Variants in MAPK9 observed in about 807,000 individuals in gnomAD.
MAPK9 encodes mitogen-activated protein kinase 9, also known as Jun kinase.
A neutral mutation model predicts 57.1 loss-of-function variants in MAPK9; 30 were observed. The observed-to-expected ratio is 0.53, with a 90% CI of 0.39 to 0.71. The LOEUF (loss-of-function observed/expected upper bound fraction) is 0.71, where lower values mean the gene tolerates loss of function less well. MAPK9 is among the 30% of genes least tolerant of loss of function. The pLI is 0.00. For synonymous variants in MAPK9, 155 were observed against 177.0 expected (o/e 0.88, Z 0.99); for missense variants, 362 against 521.0 (o/e 0.69, Z 2.97).
At chr5:180,268,341 C>T (rs1760890505) in intron 3 of MAPK9, among the ~76,000 whole-genome samples, 1 of 152,176 alleles carries the variant, frequency 6.6e-6, no homozygotes. Context: ...GTGTCATATA[C>T]AAGGTAAAAA....
At position 180,272,686 on chromosome 5, in the gene MAPK9, A is replaced by G. The variant is rs114032737; in HGVS notation, c.123-3277T>C. Among the ~76,000 whole-genome samples the G allele has an allele frequency of 4.7e-3, 712 of 152,358 alleles. 6 individuals carry two copies. Among genetic ancestry groups the G allele is most frequent in the African/African-American group, 0.016 (676 of 41,586 alleles). The stretch of plus-strand genomic sequence containing the variant: ...TCATCCATTGTTGCTGTATGTAGCT[A>G]TAACTCCTTCCATCATTGCTATAAG... On this transcript the variant is annotated intron_variant, in intron 2 of 11. Transcript: ENST00000452135.
chr5:180,268,827 CA>C (rs371158374), intron 3 of MAPK9, among the ~76,000 whole-genome samples: 3 of 124,962 alleles, frequency 2.4e-5, no homozygotes, highest in African/African-American at 3.1e-5. Context: ...ACTCCGTCTC[CA>C]AAAAAAAAGA....
At chr5:180,280,350 A>C in intron 2 of MAPK9, 90 bp downstream of exon 2, 3 of 1,511,484 alleles carry the variant, frequency 2.0e-6, no homozygotes, top group Non-Finnish European at 2.7e-6. Context: ...TTTTTTTTTA[A>C]TCATCAATGT....
intron 5 of MAPK9, among the ~76,000 whole-genome samples, chr5:180,257,211 G>A (rs1478257926): frequency 6.6e-6 from 1 of 152,224 alleles, no homozygotes; most frequent in African/African-American, 2.4e-5. Flanking sequence ...CTTGAGACGA[G>A]ACAACCCTGC....
At chr5:180,286,448 A>G (rs903098551) in intron 1 of MAPK9, among the ~76,000 whole-genome samples, 2 of 151,508 alleles carry the variant, frequency 1.3e-5, no homozygotes, top group Admixed American at 1.3e-4. Flanking sequence ...CTGGCCTCCT[A>G]CTGTAATTCT....
At chr5:180,278,981 G>A (rs185498110) in intron 2 of MAPK9, among the ~76,000 whole-genome samples, 159 of 142,544 alleles carry the variant, frequency 1.1e-3, no homozygotes, top group African/African-American at 3.9e-3. Context: ...TTTTTGAGAC[G>A]GAGTCTTGCT....
chr5:180,257,442 C>A (rs1759406302), intron 5 of MAPK9, among the ~76,000 whole-genome samples: 1 of 152,234 alleles, frequency 6.6e-6, no homozygotes, highest in Non-Finnish European at 1.5e-5. Context: ...GCTGTTGGAA[C>A]ATAAAATCTA....
Position 180,280,465 on chromosome 5 carries a change from C to G in MAPK9, c.97G>C (p.Gly33Arg), listed in dbSNP as rs1458961874. Residue 33 changes from glycine (G) to arginine (R), a missense_variant, in exon 2 of 12, where the codon GGC (glycine) becomes CGC (arginine). Around this residue, in one of 3 missense-constraint regions of MAPK9, gnomAD observed 36 missense variants for 38.0 expected, o/e 0.95. Coordinates refer to ENST00000452135, the MANE Select transcript of MAPK9 (RefSeq NM_002752.5). ...LKRYQQLKPI[G>R]SGAQGIVCAA... ...CAAACAATCCCTTGGGCCCCAGAGC[C>G]AATTGGTTTCAGCTGCTGGTAACGT... 6.2e-7 allele frequency: 1 copy of G among 1,614,124 alleles called. No individual in the cohort carries two copies. The highest frequency in any genetic ancestry group is 8.5e-7 in the Non-Finnish European group (1 of 1,180,016).
At chr5:180,239,068 T>C (rs376070767) in intron 10 of MAPK9, among the ~76,000 whole-genome samples, 2 of 152,338 alleles carry the variant, frequency 1.3e-5, no homozygotes, top group Non-Finnish European at 2.9e-5. Flanking sequence ...ATGTGGTTAC[T>C]TGGGGTTCTC....
In MAPK9 at chr5:180,236,421, A is replaced by C. The variant is rs1214941701; in HGVS notation, c.1238T>G (p.Leu413Arg). 6.2e-7 allele frequency: 1 copy of C among 1,613,538 alleles called. No individual in the cohort carries two copies. Among genetic ancestry groups the C allele is most frequent in the African/African-American group, 1.3e-5 (1 of 74,930 alleles). Residue 413 changes from leucine to arginine, a missense_variant, in exon 12 of 12, where the codon CTT (leucine) becomes CGT (arginine). Physicochemically the swap from Leu to Arg is moderately radical, Grantham distance 102. Coordinates refer to ENST00000452135, the MANE Select transcript of MAPK9 (RefSeq NM_002752.5). ...TTCAAGGGGTCCCGTCGAGGCATCA[A>C]GACTGCTGTCTGTGTCTGAGGCCAG... ...QTLASDTDSSLDASTGPLEGC... is the reference protein window; with the variant it reads ...QTLASDTDSSRDASTGPLEGC...
In MAPK9 at chr5:180,247,605, T is replaced by A; in HGVS notation, c.617-95A>T. The A allele has an allele frequency of 8.8e-7, 1 of 1,137,168 alleles. No homozygotes were observed. Among genetic ancestry groups the A allele is most frequent in the Non-Finnish European group, 1.3e-6 (1 of 768,510 alleles). 70.4% of individuals were successfully genotyped at this position (1,137,168 alleles called of 1,614,324 possible). A position where few individuals can be genotyped will look rare whatever the true frequency, so the allele number is the denominator to read the frequency against. Reference sequence around the variant, plus strand: ...TAACAGTGCACTAAACACACAAATATGGAAAAATAAATTGCTAGCTAAGGG... The same window carrying A: ...TAACAGTGCACTAAACACACAAATAAGGAAAAATAAATTGCTAGCTAAGGG... On this transcript the variant is annotated intron_variant, in intron 6 of 11. Transcript: ENST00000452135. The surrounding 1 kb of genome is among the most constrained non-coding windows in gnomAD (Gnocchi z 4.5).
chr5:180,261,896 T>A, intron 4 of MAPK9, 74 bp from the exon 5 acceptor site: 1 of 1,313,930 alleles, frequency 7.6e-7, no homozygotes, highest in Non-Finnish European at 1.1e-6. Context: ...CATGAAACTG[T>A]AACTTACTTC....
intron 5 of MAPK9, among the ~76,000 whole-genome samples, chr5:180,256,773 AG>A (rs1205242384): frequency 6.6e-6 from 1 of 152,200 alleles, no homozygotes; most frequent in Non-Finnish European, 1.5e-5. Flanking sequence ...GCTCTCACAA[AG>A]CCCCCAGTGA....
At chr5:180,266,198 A>G (rs1169572000) in intron 3 of MAPK9, among the ~76,000 whole-genome samples, 1 of 152,186 alleles carries the variant, frequency 6.6e-6, no homozygotes, top group African/African-American at 2.4e-5. Flanking sequence ...AAAAATAAGT[A>G]ACAACCTCAC....
intron 2 of MAPK9, among the ~76,000 whole-genome samples, chr5:180,272,728 A>C (rs1464431958): frequency 6.6e-6 from 1 of 152,174 alleles, no homozygotes; most frequent in Non-Finnish European, 1.5e-5. Context: ...TTGTATAACT[A>C]TATCACATTA....
At position 180,233,707 on chromosome 5, in the gene MAPK9, A is replaced by G. The variant is rs991067726; in HGVS notation, c.*2677T>C. ...TGAGATATGCAATCTGAAAGGTCAC[A>G]CTTGTATTTATTACCAGGAGGAAAT... On this transcript the variant is annotated 3_prime_UTR_variant, in exon 12 of 12. Coordinates refer to ENST00000452135, the MANE Select transcript of MAPK9 (RefSeq NM_002752.5). 2 of 152,270 alleles carry G rather than the reference A, an allele frequency of 1.3e-5. No individual in the cohort carries two copies. The highest frequency in any genetic ancestry group is 4.8e-5 in the African/African-American group (2 of 41,474). 9.4% of individuals were successfully genotyped at this position (152,270 alleles called of 1,614,324 possible). A position where few individuals can be genotyped will look rare whatever the true frequency, so the allele number is the denominator to read the frequency against.
At chr5:180,248,519 C>T (rs1758345822) in intron 6 of MAPK9, among the ~76,000 whole-genome samples, 1 of 152,186 alleles carries the variant, frequency 6.6e-6, no homozygotes, top group Admixed American at 6.5e-5. Context: ...ACCAATTTTA[C>T]ATGAAAACAT....
Position 180,236,186 on chromosome 5 carries a change from A to AT in MAPK9, c.*197dup, listed in dbSNP as rs1292497212. On this transcript the variant is annotated 3_prime_UTR_variant, in exon 12 of 12. Coordinates refer to ENST00000452135, the MANE Select transcript of MAPK9 (RefSeq NM_002752.5). ...AAAATCTCTAGAAGTGTGGCTTGCA[A>AT]TTTTTTTCTTCAGACATATTCTGCC... The AT allele has an allele frequency of 2.1e-6, 1 of 477,488 alleles. No homozygotes were observed. Among genetic ancestry groups the AT allele is most frequent in the Non-Finnish European group, 3.4e-6 (1 of 290,118 alleles). 29.6% of individuals were successfully genotyped at this position (477,488 alleles called of 1,614,324 possible). A position where few individuals can be genotyped will look rare whatever the true frequency, so the allele number is the denominator to read the frequency against.
In MAPK9 at chr5:180,247,636, T is replaced by A. The variant is rs1758250759; in HGVS notation, c.617-126A>T. On this transcript the variant is annotated intron_variant, in intron 6 of 11. Transcript: ENST00000452135. This position sits in a 1 kb window ranked among gnomAD's most constrained non-coding sequence, Gnocchi z 4.5. Reference sequence around the variant, plus strand: ...AATAAATTGCTAGCTAAGGGTGACATTTTACACAATATGAATGATTGCTGA... The same window carrying A: ...AATAAATTGCTAGCTAAGGGTGACAATTTACACAATATGAATGATTGCTGA... 1.0e-6 allele frequency: 1 copy of A among 980,952 alleles called. No individual in the cohort carries two copies. Among genetic ancestry groups the A allele is most frequent in the Admixed American group, 2.0e-5 (1 of 50,332 alleles). The allele number at this position is 980,952 out of a possible 1,614,324, so 60.8% of individuals were successfully genotyped here.
Sources: allele counts gnomAD v4.1 joint callset (sites outside exome capture counted in the v4.1 genomes callset), GRCh38; gene constraint gnomAD v4.1.1; regional missense constraint gnomAD v4.1.1; non-coding constraint Gnocchi (gnomAD v3.1); transcripts MANE v1.5; gene names NCBI Gene and HGNC (gene_info 2026-07-23, HGNC 2026-07-21).